YAF2: variants seen among roughly 807,000 people sequenced by gnomAD.
The protein encoded by YAF2 is YY1 associated factor 2.
A neutral mutation model predicts 20.1 loss-of-function variants in YAF2; 7 were observed. That is an observed-to-expected ratio of 0.35 (90% CI 0.20 to 0.65). The LOEUF is 0.65. Ranked by LOEUF, YAF2 falls within the 30% of genes least tolerant of loss-of-function variation. The probability of loss-of-function intolerance (pLI) is 0.69; values close to 1 mark genes in which losing one functional copy is unlikely to be tolerated. For synonymous variants in YAF2, 74 were observed against 76.0 expected (o/e 0.97, Z 0.14); for missense variants, 151 against 219.2 (o/e 0.69, Z 1.96).
At chr12:42,162,678 C>A (rs997472035) in intron 2 of YAF2, among the ~76,000 whole-genome samples, 3 of 152,062 alleles carry the variant, frequency 2.0e-5, no homozygotes, top group African/African-American at 7.2e-5. Context: ...TTTAAAAAAT[C>A]TTTTTTTCTC....
chr12:42,217,023 C>T (rs1018090592), intron 2 of YAF2, among the ~76,000 whole-genome samples: 10 of 152,196 alleles, frequency 6.6e-5, no homozygotes, highest in African/African-American at 2.4e-4. Flanking sequence ...TCTGGCATTC[C>T]CCTTGTTCAG....
rs1468612528 is a variant in YAF2 at position 42,188,287 on chromosome 12, AT to A, written c.153-26523del. Among the ~76,000 whole-genome samples, 3 of 150,362 alleles carry A rather than the reference AT, an allele frequency of 2.0e-5. No individual in the cohort carries two copies. In the East Asian group the frequency reaches 5.9e-4, roughly 29 times the overall value. On this transcript the variant is annotated intron_variant, in intron 2 of 3. Coordinates refer to ENST00000534854, the MANE Select transcript of YAF2 (RefSeq NM_005748.6). ...AGAATAAATCAATGTATTCAAAAATATTTTAGTCTGTCATTATTTCTTGGTT... is the reference window on the plus strand; with the variant it reads ...AGAATAAATCAATGTATTCAAAAATATTTAGTCTGTCATTATTTCTTGGTT...
rs564121799 is a variant in YAF2, at chr12:42,196,127, CAGA to C, written c.153-34365_153-34363del. On this transcript the variant is annotated intron_variant, in intron 2 of 3. Coordinates refer to ENST00000534854, the MANE Select transcript of YAF2 (RefSeq NM_005748.6). ...ATCCCAGCAACTCAGGAGGCTGAAG[CAGA>C]AGAACTGCTTGAGCCCAAGAGGTGG... Among the ~76,000 whole-genome samples, 137 of 147,680 alleles carry C rather than the reference CAGA, an allele frequency of 9.3e-4. 1 individual carries two copies. The highest frequency in any genetic ancestry group is 3.2e-3 in the African/African-American group (126 of 39,884).
At chr12:42,182,954 TG>T (rs1435718819) in intron 2 of YAF2, among the ~76,000 whole-genome samples, 1 of 152,196 alleles carries the variant, frequency 6.6e-6, no homozygotes, top group Non-Finnish European at 1.5e-5. Context: ...GGCAATCCTG[TG>T]CTCAGCAAGG....
intron 2 of YAF2, among the ~76,000 whole-genome samples, chr12:42,184,902 G>A (rs2066432461): frequency 1.3e-5 from 2 of 152,242 alleles, no homozygotes; most frequent in African/African-American, 2.4e-5. Flanking sequence ...TTAGGCCGGT[G>A]TGGTGGCTTA....
chr12:42,186,304 A>G (rs1472381075), intron 2 of YAF2, among the ~76,000 whole-genome samples: 1 of 152,012 alleles, frequency 6.6e-6, no homozygotes, highest in Admixed American at 6.6e-5. Context: ...CAGTGAGTCA[A>G]GATGGTGTCA....
intron 2 of YAF2, among the ~76,000 whole-genome samples, chr12:42,164,939 C>T (rs576558316): frequency 1.1e-4 from 16 of 151,680 alleles, no homozygotes; most frequent in Admixed American, 5.3e-4. Flanking sequence ...AGTAAAGGTA[C>T]GCGCCTGTAG....
intron 2 of YAF2, among the ~76,000 whole-genome samples, chr12:42,173,936 C>A (rs2066115962): frequency 6.6e-6 from 1 of 152,108 alleles, no homozygotes; most frequent in South Asian, 2.1e-4. Context: ...CTTCCCTACC[C>A]TTACTCTTAA....
At chr12:42,189,056 T>C (rs932350984) in intron 2 of YAF2, among the ~76,000 whole-genome samples, 2 of 152,160 alleles carry the variant, frequency 1.3e-5, no homozygotes, top group African/African-American at 4.8e-5. Context: ...CCTGTAGAGA[T>C]GATTTTTAAA....
chr12:42,238,021 A>G, intron 1 of YAF2, 134 bp downstream of exon 1: 1 of 576,824 alleles, frequency 1.7e-6, no homozygotes. Context: ...CTCAAGCGGC[A>G]GCACTCGCAC....
chr12:42,237,617 C>T lies in YAF2; in HGVS notation c.134G>A (p.Arg45Gln), dbSNP rs2068215540. 1 of 1,544,438 alleles carries T rather than the reference C, an allele frequency of 6.5e-7. No homozygotes were observed. The highest frequency in any genetic ancestry group is 8.7e-7 in the Non-Finnish European group (1 of 1,145,438). Residue 45 changes from arginine to glutamine, a missense_variant, in exon 2 of 4, where the codon CGG becomes CAG. Coordinates refer to ENST00000534854, the MANE Select transcript of YAF2 (RefSeq NM_005748.6). ...EAFKCMMCDV[R>Q]KGTSTRKPRP... ...GACTCACCGGGTGGAGGTGCCCTTCCGCACATCGCACATCATGCACTTGAA... is the reference window on the plus strand; with the variant it reads ...GACTCACCGGGTGGAGGTGCCCTTCTGCACATCGCACATCATGCACTTGAA...
chr12:42,223,249 T>C (rs76958210), intron 2 of YAF2, among the ~76,000 whole-genome samples: 113 of 152,264 alleles, frequency 7.4e-4, no homozygotes, highest in African/African-American at 2.6e-3. Flanking sequence ...GCCAGCATAC[T>C]ATGTAGGAAG....
intron 2 of YAF2, among the ~76,000 whole-genome samples, chr12:42,193,687 G>A (rs2100547): frequency 0.7 from 106,031 of 151,974 alleles, 38,061 homozygotes; most frequent in African/African-American, 0.86. Context: ...GTATTTTTGT[G>A]GAGACAGGGT....
intron 2 of YAF2, among the ~76,000 whole-genome samples, chr12:42,192,440 T>C (rs2137108570): frequency 6.7e-6 from 1 of 149,812 alleles, no homozygotes; most frequent in East Asian, 2.0e-4. Flanking sequence ...GCCTGGGAGG[T>C]CAAGGCTGCA....
rs2066275362 is a variant in YAF2, at chr12:42,179,183, AG to A, written c.153-17419del. 2.0e-5 allele frequency among the ~76,000 whole-genome samples: 3 copies of A among 152,322 alleles called. No individual in the cohort carries two copies. In the South Asian group the frequency reaches 6.2e-4, roughly 32 times the overall value. On this transcript the variant is annotated intron_variant, in intron 2 of 3. Transcript: ENST00000534854. ...AGTTTCCAAGATGATTCTAATGTGC[AG>A]TGAGGCTGGGTGCATTGGCTCACAC...
chr12:42,199,021 GT>G (rs1269967458), intron 2 of YAF2: 6 of 486,678 alleles, frequency 1.2e-5, no homozygotes, highest in South Asian at 1.1e-4. Context: ...TTAATTTCAT[GT>G]GACTATTTTA....
At chr12:42,183,918 T>A (rs907672073) in intron 2 of YAF2, among the ~76,000 whole-genome samples, 5 of 152,202 alleles carry the variant, frequency 3.3e-5, no homozygotes, top group African/African-American at 1.2e-4. Flanking sequence ...TTGGTAACTT[T>A]TAAGGTGAAG....
intron 2 of YAF2, chr12:42,235,731 T>C (rs1045650901): frequency 2.2e-5 from 34 of 1,534,462 alleles, no homozygotes; most frequent in Non-Finnish European, 2.9e-5. Context: ...CCACTAAAAA[T>C]TGGATCTACA....
At chr12:42,209,672 A>T (rs780690220) in intron 2 of YAF2, among the ~76,000 whole-genome samples, 1 of 152,186 alleles carries the variant, frequency 6.6e-6, no homozygotes, top group Non-Finnish European at 1.5e-5. Context: ...ACATCTGCAT[A>T]AATTTTACAA....
Sources: gnomAD v4.1 joint callset for allele counts (sites outside exome capture counted in the v4.1 genomes callset) on GRCh38, gnomAD v4.1.1 for gene constraint, MANE v1.5 for transcripts, NCBI Gene and HGNC (gene_info 2026-07-23, HGNC 2026-07-21) for gene names.